NDUFA10: variants seen among roughly 807,000 people sequenced by gnomAD.
NDUFA10 encodes NADH dehydrogenase [ubiquinone] 1 alpha subcomplex subunit 10, mitochondrial.
NDUFA10 carries 40 observed loss-of-function variants against 47.8 expected under a neutral mutation model. The ratio of observed to expected loss-of-function variants is 0.84; its 90% CI spans 0.65 to 1.09. The LOEUF is 1.09. NDUFA10 is among the 50% of genes least tolerant of loss of function. The pLI is 0.00. For synonymous variants in NDUFA10, 183 were observed against 172.2 expected, an observed-to-expected ratio of 1.06 and a Z score of -0.49; for missense variants, 413 against 451.1, an observed-to-expected ratio of 0.92 and a Z score of 0.76.
At chr2:239,940,207 G>A (rs1574793264) in intron 4 of NDUFA10, among the ~76,000 whole-genome samples, 1 of 152,242 alleles carries the variant, frequency 6.6e-6, no homozygotes, top group Admixed American at 6.5e-5. Context: ...CAGATGACAC[G>A]TCACAGCTGT....
intron 4 of NDUFA10, among the ~76,000 whole-genome samples, chr2:239,937,139 T>C (rs1694278642): frequency 6.6e-6 from 1 of 152,284 alleles, no homozygotes; most frequent in Non-Finnish European, 1.5e-5. Context: ...ACAGCTGTGA[T>C]TGCAAAATGG....
chr2:239,966,870 T>C (rs796315799), intron 9 of NDUFA10, among the ~76,000 whole-genome samples: 83 of 60,578 alleles, frequency 1.4e-3, no homozygotes, highest in South Asian at 6.7e-3. Flanking sequence ...TTTTTTTTTT[T>C]CCCTAAGAGA....
rs1696896040 is a variant in NDUFA10 at position 240,005,195 on chromosome 2, C to T, written c.890+15G>A. ...GACCCCAGACATGCAGCAGCCCCCA[C>T]ACAGATGCACTTACAGTAATCGCAG... On this transcript the variant is annotated intron_variant, in intron 8 of 9. Coordinates refer to ENST00000252711, the MANE Select transcript of NDUFA10 (RefSeq NM_004544.4). 1 of 1,608,894 alleles carries T rather than the reference C, an allele frequency of 6.2e-7. No individual in the cohort carries two copies. Among genetic ancestry groups the T allele is most frequent in the African/African-American group, 1.3e-5 (1 of 74,910 alleles).
intron 4 of NDUFA10, among the ~76,000 whole-genome samples, chr2:239,938,982 C>T (rs1230591875): frequency 1.3e-5 from 2 of 152,062 alleles, no homozygotes; most frequent in South Asian, 4.2e-4. Flanking sequence ...CACGAGGCCC[C>T]GCAATGCTCA....
intron 9 of NDUFA10, among the ~76,000 whole-genome samples, chr2:239,984,102 A>T (rs927025170): frequency 6.6e-6 from 1 of 152,078 alleles, no homozygotes; most frequent in Non-Finnish European, 1.5e-5. Flanking sequence ...GCATGGTAGC[A>T]GGCACCTATA....
intron 4 of NDUFA10, among the ~76,000 whole-genome samples, chr2:239,921,678 G>A (rs1028702887): frequency 6.6e-5 from 9 of 136,576 alleles, no homozygotes; most frequent in Admixed American, 3.6e-4. Flanking sequence ...ACTGATTGGC[G>A]CATTTTACAA....
At chr2:239,941,194 C>A (rs901623359) in intron 4 of NDUFA10, among the ~76,000 whole-genome samples, 1 of 152,196 alleles carries the variant, frequency 6.6e-6, no homozygotes. Flanking sequence ...CATTTACGTT[C>A]CTTAAAAATG....
chr2:239,940,363 T>C (rs542553627), intron 4 of NDUFA10, among the ~76,000 whole-genome samples: 48 of 152,226 alleles, frequency 3.2e-4, no homozygotes, highest in Non-Finnish European at 5.6e-4. Flanking sequence ...TAGCTTATCA[T>C]TGCTTTGGCC....
chr2:239,931,741 C>T (rs2106373574), intron 4 of NDUFA10, among the ~76,000 whole-genome samples: 1 of 152,356 alleles, frequency 6.6e-6, no homozygotes, highest in East Asian at 1.9e-4. Context: ...AAGACAGCTG[C>T]CCTGGGGCTC....
At chr2:239,938,667 G>T (rs1163878322) in intron 4 of NDUFA10, among the ~76,000 whole-genome samples, 3 of 152,190 alleles carry the variant, frequency 2.0e-5, no homozygotes, top group African/African-American at 4.8e-5. Flanking sequence ...GAGCTGCCCT[G>T]GGGGGCTGCA....
At chr2:239,936,121 A>G (rs1002414872) in intron 4 of NDUFA10, among the ~76,000 whole-genome samples, 1 of 152,230 alleles carries the variant, frequency 6.6e-6, no homozygotes, top group African/African-American at 2.4e-5. Context: ...TCTCCTGTTC[A>G]AGAGCACTCA....
At chr2:239,983,800 A>C in intron 9 of NDUFA10, 1 of 1,506,118 alleles carries the variant, frequency 6.6e-7, no homozygotes, top group South Asian at 1.3e-5. Flanking sequence ...ACAAAGTCTG[A>C]GAAAATGTTA....
chr2:239,989,881 C>G (rs562501866), intron 9 of NDUFA10, among the ~76,000 whole-genome samples, 193 bp downstream of exon 9: 26 of 152,350 alleles, frequency 1.7e-4, no homozygotes, highest in African/African-American at 5.3e-4. Flanking sequence ...GGGCTGTCAT[C>G]TGAGGACTTC....
In NDUFA10 at chr2:240,005,234, C is replaced by T. The variant is rs557444462; in HGVS notation, c.866G>A (p.Arg289His). Residue 289 changes from arginine to histidine, a missense_variant, in exon 8 of 10, where the codon CGC becomes CAC. Arg to His is a conservative substitution (Grantham distance 29). Coordinates refer to ENST00000252711, the MANE Select transcript of NDUFA10 (RefSeq NM_004544.4). ...CAGTAATCGCAGGTGGTATAAAGTGCGATTGTCCTGCTTGAGCCACGGCCC... is the reference window on the plus strand; with the variant it reads ...CAGTAATCGCAGGTGGTATAAAGTGTGATTGTCCTGCTTGAGCCACGGCCC... ...DKGPWLKQDN[R>H]TLYHLRLLVQ... 12 of 1,613,956 alleles carry T rather than the reference C, an allele frequency of 7.4e-6. No homozygotes were observed. The highest frequency in any genetic ancestry group is 3.3e-5 in the South Asian group (3 of 91,074).
Position 239,958,948 on chromosome 2 carries a change from G to C in NDUFA10, c.*2170C>G. On this transcript the variant is annotated 3_prime_UTR_variant, in exon 10 of 10. Coordinates refer to ENST00000252711, the MANE Select transcript of NDUFA10 (RefSeq NM_004544.4). Reference sequence around the variant, plus strand: ...TTGATCCTGGTTTGTTGGTGCTGTTGTTTTAGTTGTAAGAGCTTTCGTGAG... The same window carrying C: ...TTGATCCTGGTTTGTTGGTGCTGTTCTTTTAGTTGTAAGAGCTTTCGTGAG... 1.0e-6 allele frequency: 1 copy of C among 985,410 alleles called. No homozygotes were observed. 61.0% of individuals were successfully genotyped at this position (985,410 alleles called of 1,614,324 possible).
At chr2:239,942,730 T>G (rs11684044) in intron 4 of NDUFA10, among the ~76,000 whole-genome samples, 18,107 of 152,142 alleles carry the variant, frequency 0.12, 1,258 homozygotes, top group South Asian at 0.15. Context: ...TGTGGGACGT[T>G]TGCCTGTCAC....
chr2:239,905,033 G>C (rs1693622044), intron 4 of NDUFA10, among the ~76,000 whole-genome samples: 1 of 152,186 alleles, frequency 6.6e-6, no homozygotes. Flanking sequence ...ACCTTTAACT[G>C]AGCTACAAAG....
intron 8 of NDUFA10, among the ~76,000 whole-genome samples, chr2:240,001,070 C>A (rs959173813): frequency 2.6e-5 from 4 of 152,200 alleles, no homozygotes; most frequent in Admixed American, 2.6e-4. Context: ...CACCAAGGGG[C>A]AGGGCACACT....
chr2:240,013,564 A>C (rs1697220994), intron 5 of NDUFA10: 1 of 152,258 alleles, frequency 6.6e-6, no homozygotes, highest in African/African-American at 2.4e-5. Flanking sequence ...AAGTCTAGCT[A>C]TACAACATAC....
Sources: allele counts gnomAD v4.1 joint callset (sites outside exome capture counted in the v4.1 genomes callset), GRCh38; gene constraint gnomAD v4.1.1; transcripts MANE v1.5; gene names NCBI Gene and HGNC (gene_info 2026-07-23, HGNC 2026-07-21).